Variants in RNF214 observed in about 807,000 individuals in gnomAD.
RNF214 encodes ring finger protein 214.
Under a neutral mutation model 75.9 loss-of-function variants are expected in RNF214, and 25 were observed. The ratio of observed to expected loss-of-function variants is 0.33; its 90% CI spans 0.24 to 0.46. The LOEUF is 0.46. RNF214 is among the 20% of genes least tolerant of loss of function. The pLI, the probability that RNF214 is intolerant of heterozygous loss-of-function variation, is 1.00. For missense variants in RNF214, 725 were observed against 857.5 expected (o/e 0.85, Z 1.93); for synonymous variants, 314 against 308.8 (o/e 1.02, Z -0.18).
In RNF214 at chr11:117,238,682, A is replaced by C; in HGVS notation, c.189A>C (p.Arg63Ser). The C allele has an allele frequency of 6.2e-7, 1 of 1,614,230 alleles. No homozygotes were observed. Among genetic ancestry groups the C allele is most frequent in the South Asian group, 1.1e-5 (1 of 91,088 alleles). Reference sequence around the variant, plus strand: ...AAACAATAACCAAGGAGAATAACAGAAATGTCCATTTGGAGCACTCAGAGC... The same window carrying C: ...AAACAATAACCAAGGAGAATAACAGCAATGTCCATTTGGAGCACTCAGAGC... ...SSQTITKENN[R>S]NVHLEHSEQN... The change falls in exon 3 of 15, where the codon AGA becomes AGC. Residue 63 changes from arginine to serine, a missense_variant. Transcript: ENST00000300650.
chr11:117,260,163 G>C (rs1252491565), intron 6 of RNF214, among the ~76,000 whole-genome samples: 1 of 152,010 alleles, frequency 6.6e-6, no homozygotes, highest in East Asian at 1.9e-4. Context: ...TGATGCCCAG[G>C]TTGGAGTGCA....
chr11:117,247,457 T>A (rs1362129967), intron 6 of RNF214, among the ~76,000 whole-genome samples: 1 of 152,220 alleles, frequency 6.6e-6, no homozygotes, highest in Non-Finnish European at 1.5e-5. Context: ...ATTACGCCAC[T>A]GCACTCCAGC....
In RNF214 at chr11:117,246,883, G is replaced by A; in HGVS notation, c.894G>A (p.Lys298=). ...AGAAGAAGATAGAGAAAGAGAAGAA[G>A]GAGTTTTTGCAGAAGGAGCAGGATC... The part of the protein sequence containing the change: ...ETKKKIEKEK[K]EFLQKEQDLK... Residue 298 remains lysine, a synonymous_variant, in exon 6 of 15, where the codon AAG becomes AAA. Transcript: ENST00000300650. The A allele has an allele frequency of 6.2e-7, 1 of 1,613,206 alleles. No homozygotes were observed. The highest frequency in any genetic ancestry group is 1.7e-4 in the Middle Eastern group (1 of 6,054).
chr11:117,234,109 T>C (rs2032829894), intron 1 of RNF214, among the ~76,000 whole-genome samples, 158 bp from the exon 2 acceptor site: 1 of 152,252 alleles, frequency 6.6e-6, no homozygotes, highest in Non-Finnish European at 1.5e-5. Flanking sequence ...TTGCATACAA[T>C]GTCTCTTTTA....
rs554980671 is a variant in RNF214 at position 117,247,737 on chromosome 11, G to C, written c.959+789G>C. Among the ~76,000 whole-genome samples, 4 of 152,026 alleles carry C rather than the reference G, an allele frequency of 2.6e-5. No individual in the cohort carries two copies. The South Asian group carries it at 8.3e-4, about 32-fold the overall frequency. ...GTGGCGGCGTGCACCTGTAGTCTCA[G>C]CTACTCGGGAAGCTGAGGCAGGGGA... is the stretch of plus-strand genomic sequence containing the variant. On this transcript the variant is annotated intron_variant, in intron 6 of 14. Transcript: ENST00000300650.
At position 117,280,361 on chromosome 11, in the gene RNF214, A is replaced by G. The variant is rs986571548; in HGVS notation, c.1145+102A>G. 7.9e-5 allele frequency: 62 copies of G among 789,782 alleles called. 2 individuals are homozygous for G. The highest frequency in any genetic ancestry group is 1.2e-4 in the Non-Finnish European group (55 of 455,842). 48.9% of individuals were successfully genotyped at this position (789,782 alleles called of 1,614,324 possible). On this transcript the variant is annotated intron_variant, in intron 8 of 14. Coordinates refer to ENST00000300650, the MANE Select transcript of RNF214 (RefSeq NM_207343.4). ...GGCCAGCTAGTCTGGCACTTATTCTATCTGCACAGGAATTGTAAGGCTATC... is the reference window on the plus strand; with the variant it reads ...GGCCAGCTAGTCTGGCACTTATTCTGTCTGCACAGGAATTGTAAGGCTATC...
intron 6 of RNF214, among the ~76,000 whole-genome samples, chr11:117,251,476 G>A (rs2033389018): frequency 7.3e-6 from 1 of 137,492 alleles, no homozygotes; most frequent in Admixed American, 7.0e-5. Flanking sequence ...CCGGGCGGGG[G>A]GCTGACCCCC....
chr11:117,264,734 C>G (rs1406320502), intron 6 of RNF214, among the ~76,000 whole-genome samples: 2 of 152,002 alleles, frequency 1.3e-5, no homozygotes, highest in Non-Finnish European at 2.9e-5. Context: ...ATCCTTTCCC[C>G]TTCAGCCTTT....
At chr11:117,234,588 T>C (rs1432995649) in intron 2 of RNF214, among the ~76,000 whole-genome samples, 1 of 152,230 alleles carries the variant, frequency 6.6e-6, no homozygotes, top group African/African-American at 2.4e-5. Flanking sequence ...ATAAATAGAA[T>C]AGAATACATG....
At chr11:117,267,955 A>G (rs140331376) in intron 6 of RNF214, among the ~76,000 whole-genome samples, 320 of 152,354 alleles carry the variant, frequency 2.1e-3, no homozygotes, top group African/African-American at 7.5e-3. Context: ...TTGAATAAAC[A>G]TTAAATCAGA....
rs554447696 is a variant in RNF214, at chr11:117,244,988, C to T, written c.819+403C>T. On this transcript the variant is annotated intron_variant, in intron 5 of 14. Transcript: ENST00000300650. ...AATTAAAGTTTGAGCCATCCATGCC[C>T]GGCTCAAACTTTAATTTTATTTTTG... Among the ~76,000 whole-genome samples the T allele has an allele frequency of 7.3e-5, 11 of 151,462 alleles. 1 individual carries two copies. Among genetic ancestry groups the T allele is most frequent in the Admixed American group, 4.6e-4 (7 of 15,222 alleles).
chr11:117,257,964 A>G (rs989768133), intron 6 of RNF214, among the ~76,000 whole-genome samples: 2 of 152,222 alleles, frequency 1.3e-5, no homozygotes, highest in Non-Finnish European at 2.9e-5. Context: ...AGAGAAGCTG[A>G]AAGTATTGTA....
chr11:117,236,419 G>A (rs1425751065), intron 2 of RNF214, among the ~76,000 whole-genome samples: 8 of 152,018 alleles, frequency 5.3e-5, no homozygotes, highest in Non-Finnish European at 8.8e-5. Context: ...GACAACAGGC[G>A]CCCGCCACCA....
At chr11:117,246,105 C>T (rs2033218483) in intron 5 of RNF214, among the ~76,000 whole-genome samples, 1 of 152,068 alleles carries the variant, frequency 6.6e-6, no homozygotes, top group African/African-American at 2.4e-5. Flanking sequence ...ATCTGGACTA[C>T]AGGCATGTGC....
intron 6 of RNF214, among the ~76,000 whole-genome samples, chr11:117,267,571 A>G (rs1200173558): frequency 6.6e-6 from 1 of 151,872 alleles, no homozygotes; most frequent in Non-Finnish European, 1.5e-5. Flanking sequence ...AAAAAAGAAA[A>G]AAAGAAAATT....
chr11:117,234,051 TAA>T (rs2032826108), intron 1 of RNF214, among the ~76,000 whole-genome samples: 1 of 152,222 alleles, frequency 6.6e-6, no homozygotes, highest in Non-Finnish European at 1.5e-5. Flanking sequence ...GATATTTATG[TAA>T]ATACAGTGAC....
At chr11:117,239,249 A>G in intron 3 of RNF214, 138 bp downstream of exon 3, 1 of 765,036 alleles carries the variant, frequency 1.3e-6, no homozygotes, top group Non-Finnish European at 2.1e-6. Context: ...CCATCATACT[A>G]CTCTCATACA....
chr11:117,274,648 C>T (rs2033978771), intron 6 of RNF214, among the ~76,000 whole-genome samples: 1 of 146,762 alleles, frequency 6.8e-6, no homozygotes, highest in African/African-American at 2.5e-5. Context: ...GGATTACAGG[C>T]GTGAGCGACC....
intron 6 of RNF214, among the ~76,000 whole-genome samples, chr11:117,275,183 G>A (rs576436332): frequency 6.6e-6 from 1 of 152,066 alleles, no homozygotes; most frequent in Non-Finnish European, 1.5e-5. Context: ...ATGAAATCAA[G>A]ATAGAAATTA....
Sources: gnomAD v4.1 joint callset for allele counts (sites outside exome capture counted in the v4.1 genomes callset) on GRCh38, gnomAD v4.1.1 for gene constraint, MANE v1.5 for transcripts, NCBI Gene and HGNC (gene_info 2026-07-23, HGNC 2026-07-21) for gene names.